The following KCNIP4 variants were observed in gnomAD, a reference collection of about 807,000 sequenced individuals.
KCNIP4 encodes the protein potassium voltage-gated channel interacting protein 4, also known as Kv channel-interacting protein 4.
A neutral mutation model predicts 34.0 loss-of-function variants in KCNIP4; 12 were observed. The observed-to-expected ratio is 0.35, with a 90% CI of 0.23 to 0.57. The LOEUF (loss-of-function observed/expected upper bound fraction) is 0.57. Ranked by LOEUF, KCNIP4 falls within the 20% of genes least tolerant of loss-of-function variation. The pLI is 0.83. For synonymous variants in KCNIP4, 124 were observed against 102.2 expected (o/e 1.21, Z -1.29); for missense variants, 238 against 311.7 (o/e 0.76, Z 1.78).
chr4:21,355,795 C>G (rs763574646), intron 1 of KCNIP4, among the ~76,000 whole-genome samples: 2 of 152,186 alleles, frequency 1.3e-5, no homozygotes, highest in Non-Finnish European at 2.9e-5. Flanking sequence ...TTCCCTAACT[C>G]ATTTTAGGAG....
At chr4:21,889,651 C>A (rs923899753) in intron 1 of KCNIP4, among the ~76,000 whole-genome samples, 3 of 151,984 alleles carry the variant, frequency 2.0e-5, no homozygotes, top group Non-Finnish European at 2.9e-5. Context: ...AAACAACTAC[C>A]CTAGGCAGAT....
chr4:21,491,887 G>A (rs1321827644), intron 1 of KCNIP4, among the ~76,000 whole-genome samples: 2 of 152,204 alleles, frequency 1.3e-5, no homozygotes, highest in East Asian at 3.8e-4. Context: ...TATCTTAGAT[G>A]CAGAGCAATA....
intron 3 of KCNIP4, among the ~76,000 whole-genome samples, chr4:20,802,376 C>A (rs933482847): frequency 1.3e-5 from 2 of 151,078 alleles, no homozygotes; most frequent in African/African-American, 2.4e-5. Context: ...TAGTTATAAA[C>A]CTGAAGAGCA....
At chr4:21,364,318 T>C (rs1719509211) in intron 1 of KCNIP4, among the ~76,000 whole-genome samples, 1 of 152,162 alleles carries the variant, frequency 6.6e-6, no homozygotes, top group South Asian at 2.1e-4. Context: ...CAGTGCTAGG[T>C]ACAGGGAGTT....
intron 1 of KCNIP4, among the ~76,000 whole-genome samples, chr4:21,940,810 G>A (rs1447698121): frequency 6.6e-6 from 1 of 152,090 alleles, no homozygotes; most frequent in African/African-American, 2.4e-5. Flanking sequence ...ATATCTCACA[G>A]AGTTGTTTTA....
At chr4:20,941,409 A>C (rs1731626978) in intron 1 of KCNIP4, among the ~76,000 whole-genome samples, 1 of 152,248 alleles carries the variant, frequency 6.6e-6, no homozygotes, top group African/African-American at 2.4e-5. Flanking sequence ...AAAGTTACGA[A>C]ACAGATGTTT....
chr4:21,448,580 G>A (rs183539292), intron 1 of KCNIP4, among the ~76,000 whole-genome samples: 1 of 152,246 alleles, frequency 6.6e-6, no homozygotes, highest in East Asian at 1.9e-4. Flanking sequence ...GGAAGAAACT[G>A]TTAAGCAAAA....
chr4:20,883,079 G>T (rs1433070538), intron 1 of KCNIP4, among the ~76,000 whole-genome samples: 3 of 140,600 alleles, frequency 2.1e-5, no homozygotes, highest in African/African-American at 7.9e-5. Context: ...TAACTGGATT[G>T]AAATTTCAAT....
chr4:21,137,365 G>A (rs1751581390), intron 1 of KCNIP4, among the ~76,000 whole-genome samples: 1 of 152,134 alleles, frequency 6.6e-6, no homozygotes, highest in Non-Finnish European at 1.5e-5. Context: ...TTTCCTCGAT[G>A]CTCAAGCTTT....
At chr4:21,577,140 A>G (rs779690136) in intron 1 of KCNIP4, among the ~76,000 whole-genome samples, 2 of 152,140 alleles carry the variant, frequency 1.3e-5, no homozygotes, top group Admixed American at 6.5e-5. Context: ...GCTAAGAGAA[A>G]TTTACTTGGG....
chr4:21,677,587 T>C (rs767060737), intron 1 of KCNIP4, among the ~76,000 whole-genome samples: 60 of 152,316 alleles, frequency 3.9e-4, no homozygotes, highest in Non-Finnish European at 7.6e-4. Context: ...CAAAGGCCTG[T>C]AGGGCATCCT....
intron 1 of KCNIP4, among the ~76,000 whole-genome samples, chr4:21,743,396 C>T (rs965070195): frequency 9.4e-6 from 1 of 106,412 alleles, no homozygotes; most frequent in African/African-American, 4.1e-5. Flanking sequence ...GACATTGACA[C>T]TTTTGTCTCT....
At chr4:20,740,931 G>C (rs6831523) in intron 5 of KCNIP4, among the ~76,000 whole-genome samples, 25,403 of 152,066 alleles carry the variant, frequency 0.17, 2,215 homozygotes, top group Middle Eastern at 0.23. Flanking sequence ...CCTAGTCTCT[G>C]ATAAAACAGA....
chr4:21,746,697 C>G (rs1716804701), intron 1 of KCNIP4, among the ~76,000 whole-genome samples: 3 of 151,546 alleles, frequency 2.0e-5, no homozygotes, highest in Admixed American at 2.0e-4. Flanking sequence ...AAAATTGAAC[C>G]AATCTAAGGG....
At chr4:20,926,977 T>G (rs184398695) in intron 1 of KCNIP4, among the ~76,000 whole-genome samples, 6 of 152,278 alleles carry the variant, frequency 3.9e-5, no homozygotes, top group Non-Finnish European at 7.4e-5. Context: ...CTTTCTTTCT[T>G]TCTGTTCTTT....
chr4:20,750,680 A>G (rs1011189147), intron 4 of KCNIP4, among the ~76,000 whole-genome samples: 1 of 152,026 alleles, frequency 6.6e-6, no homozygotes, highest in Non-Finnish European at 1.5e-5. Flanking sequence ...CTGAGTGCCT[A>G]GCTTTCATTC....
intron 1 of KCNIP4, among the ~76,000 whole-genome samples, chr4:21,752,449 G>A (rs973465596): frequency 6.6e-6 from 1 of 152,028 alleles, no homozygotes; most frequent in Admixed American, 6.6e-5. Flanking sequence ...ACTACCAGGA[G>A]AACAGCATGG....
intron 1 of KCNIP4, among the ~76,000 whole-genome samples, chr4:20,921,872 A>T (rs1165100117): frequency 6.6e-6 from 1 of 152,210 alleles, no homozygotes; most frequent in Non-Finnish European, 1.5e-5. Flanking sequence ...TCTCTATTAT[A>T]TTTGTCATGA....
intron 1 of KCNIP4, among the ~76,000 whole-genome samples, chr4:21,125,409 G>T (rs1026523563): frequency 6.6e-6 from 1 of 151,782 alleles, no homozygotes; most frequent in Non-Finnish European, 1.5e-5. Flanking sequence ...TAGAGACGGG[G>T]TTTCACCATG....
Sources: allele counts gnomAD v4.1 joint callset (sites outside exome capture counted in the v4.1 genomes callset), GRCh38; gene constraint gnomAD v4.1.1; transcripts MANE v1.5; gene names NCBI Gene and HGNC (gene_info 2026-07-23, HGNC 2026-07-21).